Variants in DUS3L observed in about 807,000 individuals in gnomAD.
DUS3L encodes the protein dihydrouridine synthase 3 like, also known as tRNA-dihydrouridine(47) synthase [NAD(P)(+)]-like.
Under a neutral mutation model 74.6 loss-of-function variants are expected in DUS3L, and 62 were observed. The observed-to-expected ratio is 0.83, with a 90% CI of 0.68 to 1.03. The LOEUF is 1.03. DUS3L is among the 50% of genes least tolerant of loss of function. The pLI is 0.00. For synonymous variants in DUS3L, 433 were observed against 395.7 expected, an observed-to-expected ratio of 1.09 and a Z score of -1.12; for missense variants, 884 against 924.4, an observed-to-expected ratio of 0.96 and a Z score of 0.57.
rs2056873341 is a variant in DUS3L at position 5,788,183 on chromosome 19, G to C, written c.943-7C>G. On this transcript the variant is annotated splice_region_variant and splice_polypyrimidine_tract_variant and intron_variant, in intron 4 of 12. Coordinates refer to ENST00000309061, the MANE Select transcript of DUS3L (RefSeq NM_020175.3). Reference sequence around the variant, plus strand: ...GGAAGGGCAGGTTCCCACACTGCGGGGGGAGCAGGACAGACACACATGCTC... The same window carrying C: ...GGAAGGGCAGGTTCCCACACTGCGGCGGGAGCAGGACAGACACACATGCTC... 1.2e-6 allele frequency: 2 copies of C among 1,613,152 alleles called. No individual in the cohort carries two copies. Among genetic ancestry groups the C allele is most frequent in the African/African-American group, 1.3e-5 (1 of 74,898 alleles).
chr19:5,788,987 G>A (rs1017944341), intron 3 of DUS3L: 56 of 559,464 alleles, frequency 1.0e-4, no homozygotes, highest in African/African-American at 9.4e-4. Flanking sequence ...GATTACAGGC[G>A]TGAGCCACCG....
chr19:5,789,253 AG>A lies in DUS3L; in HGVS notation c.853del (p.Leu285Ter). On this transcript the variant is annotated frameshift_variant, in exon 3 of 13. Coordinates refer to ENST00000309061, the MANE Select transcript of DUS3L (RefSeq NM_020175.3). LOFTEE classifies it high-confidence loss of function. Reference protein sequence around the residue: ...PSSPVRTCGPLTDEDVVRLRP... With the variant: ...PSSPVRTCGPXTDEDVVRLRP... Reference sequence around the variant, plus strand: ...CAGCCTGACCACGTCCTCATCCGTCAGGGGCCCGCAGGTCCGCACGGGGCTG... The same window carrying A: ...CAGCCTGACCACGTCCTCATCCGTCAGGGCCCGCAGGTCCGCACGGGGCTG... 1.3e-6 allele frequency: 2 copies of A among 1,569,744 alleles called. No individual in the cohort carries two copies. Among genetic ancestry groups the A allele is most frequent in the Non-Finnish European group, 1.7e-6 (2 of 1,160,890 alleles).
chr19:5,785,699 T>C lies in DUS3L; in HGVS notation c.1655A>G (p.Asp552Gly). 6.2e-7 allele frequency: 1 copy of C among 1,612,556 alleles called. No individual in the cohort carries two copies. Among genetic ancestry groups the C allele is most frequent in the Non-Finnish European group, 8.5e-7 (1 of 1,179,856 alleles). ...SSSERLDILR[D>G]FTNYGLEHWG... ...GTGCTCCAGGCCGTAGTTGGTGAAG[T>C]CCCGCAGGATGTCCAGGCGCTCGGA... The change falls in exon 11 of 13, where the codon GAC becomes GGC. Residue 552 changes from aspartate (D) to glycine (G), a missense_variant. Physicochemically the swap from Asp to Gly is moderately conservative, Grantham distance 94 (BLOSUM62 -1). Coordinates refer to ENST00000309061, the MANE Select transcript of DUS3L (RefSeq NM_020175.3).
Position 5,785,756 on chromosome 19 carries a change from A to G in DUS3L, c.1598T>C (p.Ile533Thr). The G allele has an allele frequency of 6.2e-7, 1 of 1,609,246 alleles. No homozygotes were observed. Among genetic ancestry groups the G allele is most frequent in the Non-Finnish European group, 8.5e-7 (1 of 1,178,894 alleles). The change falls in exon 11 of 13, where the codon ATC becomes ACC. Residue 533 changes from isoleucine (I) to threonine (T), a missense_variant. Physicochemically the swap from Ile to Thr is moderately conservative, Grantham distance 89. Coordinates refer to ENST00000309061, the MANE Select transcript of DUS3L (RefSeq NM_020175.3). ...GATGTCCCAGTGCCGCTGCTCCTTG[A>G]TCTCCGTGAAGAGCCACGGCTTGAG... is the stretch of plus-strand genomic sequence containing the variant. ...ALLKPWLFTE[I>T]KEQRHWDISS...
chr19:5,785,935 C>A, intron 10 of DUS3L, 144 bp from the exon 11 acceptor site: 1 of 836,806 alleles, frequency 1.2e-6, no homozygotes, highest in Non-Finnish European at 1.8e-6. Flanking sequence ...TGCACACAAC[C>A]TTCAAAGCAC....
rs748331997 is a variant in DUS3L at position 5,787,722 on chromosome 19, G to A, written c.1096-17C>T. 2 of 1,610,520 alleles carry A rather than the reference G, an allele frequency of 1.2e-6. No individual in the cohort carries two copies. Among genetic ancestry groups the A allele is most frequent in the Non-Finnish European group, 1.7e-6 (2 of 1,178,534 alleles). ...GCCCTCCAGCTGTAGGTGGGTAGTGGCAGAACAGGAGGGTGAGGGGAGAGT... is the reference window on the plus strand; with the variant it reads ...GCCCTCCAGCTGTAGGTGGGTAGTGACAGAACAGGAGGGTGAGGGGAGAGT... On this transcript the variant is annotated splice_polypyrimidine_tract_variant and intron_variant, in intron 5 of 12. Transcript: ENST00000309061.
rs760438048 is a variant in DUS3L, at chr19:5,791,127, C to T, written c.15G>A (p.Thr5=). 1.0e-5 allele frequency: 16 copies of T among 1,606,404 alleles called. No individual in the cohort carries two copies. The highest frequency in any genetic ancestry group is 3.4e-5 in the Admixed American group (2 of 59,028). The change falls in exon 1 of 13, where the codon ACG becomes ACA. Residue 5 remains threonine, a synonymous_variant. Transcript: ENST00000309061. MAEG[T]AEAPLENGGG... Reference sequence around the variant, plus strand: ...CACCATTCTCTAGAGGAGCCTCCGCCGTTCCCTCCGCCATCGGCGCCCCTC... The same window carrying T: ...CACCATTCTCTAGAGGAGCCTCCGCTGTTCCCTCCGCCATCGGCGCCCCTC...
Position 5,791,115 on chromosome 19 carries a change from A to C in DUS3L, c.27T>G (p.Pro9=). 6.2e-7 allele frequency: 1 copy of C among 1,608,102 alleles called. No homozygotes were observed. The highest frequency in any genetic ancestry group is 8.5e-7 in the Non-Finnish European group (1 of 1,177,854). The change falls in exon 1 of 13, where the codon CCT becomes CCG. Residue 9 remains proline, a synonymous_variant. Transcript: ENST00000309061. MAEGTAEA[P]LENGGGGDSG... ...AGTCGCCACCACCACCATTCTCTAG[A>C]GGAGCCTCCGCCGTTCCCTCCGCCA...
Position 5,786,073 on chromosome 19 carries a change from TC to T in DUS3L, c.1563-283del, listed in dbSNP as rs1388940966. The stretch of plus-strand genomic sequence containing the variant: ...TTCAGGCAATTGTCCTGCCTCAGCC[TC>T]CCTAGTAGTTGGGATTACAGGCGTG... On this transcript the variant is annotated intron_variant, in intron 10 of 12. Coordinates refer to ENST00000309061, the MANE Select transcript of DUS3L (RefSeq NM_020175.3). 1.0e-5 allele frequency: 5 copies of T among 490,050 alleles called. No homozygotes were observed. The Admixed American group carries it at 1.9e-4, about 19-fold the overall frequency. 30.4% of individuals were successfully genotyped at this position (490,050 alleles called of 1,614,324 possible).
chr19:5,788,257 C>A, intron 4 of DUS3L, 81 bp from the exon 5 acceptor site: 28 of 1,609,486 alleles, frequency 1.7e-5, no homozygotes, highest in Non-Finnish European at 2.4e-5. Flanking sequence ...AATATGCGCC[C>A]CAGCCCCACA....
intron 10 of DUS3L, chr19:5,785,994 G>A: frequency 1.7e-6 from 1 of 605,776 alleles, no homozygotes; most frequent in Non-Finnish European, 2.8e-6. Flanking sequence ...CTGTCGCCCA[G>A]GCTGGGGTGC....
At position 5,787,134 on chromosome 19, in the gene DUS3L, C is replaced by T. The variant is rs780464929; in HGVS notation, c.1316G>A (p.Gly439Asp). ...CGCCAGGTTCACACGCTCCTGGACG[C>T]CTGTGCGGATCTTCACAGTCAGCGG... is the stretch of plus-strand genomic sequence containing the variant. ...DVPLTVKIRT[G>D]VQERVNLAHR... Residue 439 changes from glycine to aspartate, a missense_variant, in exon 8 of 13, where the codon GGC becomes GAC. Gly to Asp is a moderately conservative substitution (Grantham distance 94). Coordinates refer to ENST00000309061, the MANE Select transcript of DUS3L (RefSeq NM_020175.3). 1.0e-6 allele frequency: 1 copy of T among 972,946 alleles called. No individual in the cohort carries two copies. The allele number at this position is 972,946 out of a possible 1,614,324, so 60.3% of individuals were successfully genotyped here.
intron 8 of DUS3L, 65 bp from the exon 9 acceptor site, chr19:5,786,910 G>A: frequency 2.6e-6 from 4 of 1,532,704 alleles, no homozygotes; most frequent in Non-Finnish European, 3.5e-6. Context: ...AAGAGACCAA[G>A]AGAGCCAGGC....
chr19:5,790,378 A>G (rs765148067), intron 1 of DUS3L, 43 bp from the exon 2 acceptor site: 2 of 1,609,398 alleles, frequency 1.2e-6, no homozygotes, highest in East Asian at 2.2e-5. Flanking sequence ...AACATAGTCA[A>G]TAAACACTGG....
chr19:5,787,222 ACGGTGGGAGG>A, intron 7 of DUS3L, 51 bp from the exon 8 acceptor site: 1 of 1,516,378 alleles, frequency 6.6e-7, no homozygotes, highest in Non-Finnish European at 9.0e-7. Flanking sequence ...GTGGTGGGAG[ACGGTGGGAGG>A]TGGTGGGAGA....
chr19:5,789,924 G>C (rs940661888), intron 2 of DUS3L, 123 bp downstream of exon 2: 2 of 1,374,680 alleles, frequency 1.5e-6, no homozygotes, highest in African/African-American at 2.9e-5. Flanking sequence ...AGACGGAATG[G>C]CATCAGAGCA....
rs761251077 is a variant in DUS3L at position 5,786,761 on chromosome 19, T to A, written c.1474A>T (p.Met492Leu). The change falls in exon 9 of 13, where the codon ATG becomes TTG. Residue 492 changes from methionine (M) to leucine (L), a missense_variant. Coordinates refer to ENST00000309061, the MANE Select transcript of DUS3L (RefSeq NM_020175.3). ...CCGGAACACCCACCGAACAGGGGCATGGGGCTGGCGGCCTGCACGCACTCC... is the reference window on the plus strand; with the variant it reads ...CCGGAACACCCACCGAACAGGGGCAAGGGGCTGGCGGCCTGCACGCACTCC... The part of the protein sequence containing the change: ...IEECVQAASP[M>L]PLFGNGDILS... The A allele has an allele frequency of 4.3e-6, 7 of 1,611,228 alleles. No homozygotes were observed. The highest frequency in any genetic ancestry group is 1.3e-5 in the African/African-American group (1 of 74,746).
At chr19:5,789,902 C>T (rs2056892827) in intron 2 of DUS3L, 145 bp downstream of exon 2, 3 of 1,324,798 alleles carry the variant, frequency 2.3e-6, no homozygotes, top group East Asian at 2.5e-5. Flanking sequence ...CAATGTATCC[C>T]GAGGAGAATG....
chr19:5,787,055 A>C lies in DUS3L; in HGVS notation c.1389+6T>G. 3 of 1,540,762 alleles carry C rather than the reference A, an allele frequency of 1.9e-6. No homozygotes were observed. Among genetic ancestry groups the C allele is most frequent in the Non-Finnish European group, 2.6e-6 (3 of 1,149,864 alleles). On this transcript the variant is annotated splice_donor_region_variant and intron_variant, in intron 8 of 12. Coordinates refer to ENST00000309061, the MANE Select transcript of DUS3L (RefSeq NM_020175.3). ...GCCCCAATGCCCGAGGCGTCCCAAGACCCACCGTGACGAGTGCCACGCCCC... is the reference window on the plus strand; with the variant it reads ...GCCCCAATGCCCGAGGCGTCCCAAGCCCCACCGTGACGAGTGCCACGCCCC...
Sources: gnomAD v4.1 joint callset for allele counts on GRCh38, gnomAD v4.1.1 for gene constraint, MANE v1.5 for transcripts, NCBI Gene and HGNC (gene_info 2026-07-23, HGNC 2026-07-21) for gene names.